NOTCH2NLC: variants seen among roughly 807,000 people sequenced by gnomAD.
NOTCH2NLC encodes the protein notch homolog 2 N-terminal-like protein C.
In NOTCH2NLC, 4 loss-of-function variants were observed where a neutral mutation model predicts 17.7. The ratio of observed to expected loss-of-function variants is 0.23; its 90% CI spans 0.11 to 0.52. The LOEUF is 0.52. Ranked by LOEUF, NOTCH2NLC falls within the 20% of genes least tolerant of loss-of-function variation. The probability of loss-of-function intolerance (pLI) is 0.96; values close to 1 mark genes in which losing one functional copy is unlikely to be tolerated. For synonymous variants in NOTCH2NLC, 18 were observed against 86.0 expected (o/e 0.21, Z 4.38); for missense variants, 57 against 207.2 (o/e 0.28, Z 4.45).
At position 149,407,151 on chromosome 1, in the gene NOTCH2NLC, A is replaced by G. The variant is rs1361460342; in HGVS notation, c.135+16229A>G. On this transcript the variant is annotated intron_variant, in intron 1 of 4. Transcript: ENST00000650865. ...TGAAGAACTCTTTCAATAAGAAGGA[A>G]CTGATTTGGTTGGATTATTTGTTTC... Among the ~76,000 whole-genome samples, 14 of 150,774 alleles carry G rather than the reference A, an allele frequency of 9.3e-5. 1 individual carries two copies. The highest frequency in any genetic ancestry group is 5.9e-5 in the Non-Finnish European group (4 of 67,426).
At chr1:149,413,161 G>C (rs1281039038) in intron 1 of NOTCH2NLC, among the ~76,000 whole-genome samples, 1 of 150,728 alleles carries the variant, frequency 6.6e-6, no homozygotes, top group African/African-American at 2.4e-5. Flanking sequence ...ACCTGCCTCA[G>C]CCTCCCAGAG....
intron 3 of NOTCH2NLC, among the ~76,000 whole-genome samples, chr1:149,462,904 C>T (rs2084658175): frequency 7.3e-6 from 1 of 137,830 alleles, no homozygotes; most frequent in African/African-American, 2.7e-5. Context: ...GGTACAATCT[C>T]GGCTCACTGC....
At position 149,390,703 on chromosome 1, in the gene NOTCH2NLC, T is replaced by A; in HGVS notation, c.-85T>A. 3.2e-6 allele frequency: 4 copies of A among 1,241,016 alleles called. No individual in the cohort carries two copies. Among genetic ancestry groups the A allele is most frequent in the Non-Finnish European group, 4.0e-6 (4 of 989,466 alleles). The allele number at this position is 1,241,016 out of a possible 1,614,324, so 76.9% of individuals were successfully genotyped here. ...GGAGTCGAGGCATTTGCGCCTGTGC[T>A]TCGGACCGTAGCGCCAGGGCCTGAG... On this transcript the variant is annotated 5_prime_UTR_variant, in exon 1 of 5. Transcript: ENST00000650865.
chr1:149,445,206 CA>C (rs2084542270), intron 2 of NOTCH2NLC, among the ~76,000 whole-genome samples: 1 of 147,678 alleles, frequency 6.8e-6, no homozygotes, highest in South Asian at 2.2e-4. Context: ...GAGTCTAGAC[CA>C]ATAGGTGGGT....
chr1:149,423,246 T>G (rs1487989362), intron 1 of NOTCH2NLC, among the ~76,000 whole-genome samples: 12 of 150,086 alleles, frequency 8.0e-5, no homozygotes, highest in East Asian at 2.0e-4. Context: ...TGCTTTTTTT[T>G]GGGTTTTTTT....
At chr1:149,399,252 A>C (rs2084230056) in intron 1 of NOTCH2NLC, among the ~76,000 whole-genome samples, 2 of 150,956 alleles carry the variant, frequency 1.3e-5, no homozygotes, top group Non-Finnish European at 3.0e-5. Context: ...TTTTGTGAGA[A>C]GATTCTGGAA....
rs1184842539 is a variant in NOTCH2NLC, at chr1:149,466,277, G to GTATATATATA, written c.*2130_*2139dup. The GTATATATATA allele has an allele frequency of 8.1e-4, 115 of 142,540 alleles. 4 individuals carry two copies. The highest frequency in any genetic ancestry group is 2.8e-3 in the African/African-American group (108 of 37,914). The allele number at this position is 142,540 out of a possible 1,614,324, so 8.8% of individuals were successfully genotyped here. Reference sequence around the variant, plus strand: ...GTGTGTGTGTGTGTGTGTGTGTGTGGTATATATATATATATCGCATTGTGC... The same window carrying GTATATATATA: ...GTGTGTGTGTGTGTGTGTGTGTGTGGTATATATATATATATATATATATATCGCATTGTGC... On this transcript the variant is annotated 3_prime_UTR_variant, in exon 5 of 5. Transcript: ENST00000650865.
intron 1 of NOTCH2NLC, among the ~76,000 whole-genome samples, chr1:149,420,484 AG>A (rs2084373788): frequency 3.4e-5 from 5 of 148,552 alleles, no homozygotes; most frequent in Admixed American, 3.4e-4. Flanking sequence ...ATAAAAAAAA[AG>A]AAATATCCTG....
chr1:149,441,126 TA>T (rs1389555624), intron 2 of NOTCH2NLC, among the ~76,000 whole-genome samples: 7 of 141,938 alleles, frequency 4.9e-5, no homozygotes, highest in Admixed American at 2.8e-4. Flanking sequence ...TGGATTGGGA[TA>T]GGGGAAGTGA....
intron 2 of NOTCH2NLC, among the ~76,000 whole-genome samples, chr1:149,437,853 T>C (rs2084492222): frequency 6.7e-6 from 1 of 148,328 alleles, no homozygotes; most frequent in African/African-American, 2.5e-5. Context: ...AAGTCTATAA[T>C]GCTAGCTAAC....
chr1:149,400,772 T>C (rs2084241172), intron 1 of NOTCH2NLC, among the ~76,000 whole-genome samples: 1 of 145,512 alleles, frequency 6.9e-6, no homozygotes, highest in Non-Finnish European at 1.5e-5. Flanking sequence ...AATCGGCTAC[T>C]GTCCTCCTTT....
Position 149,419,352 on chromosome 1 carries a change from A to T in NOTCH2NLC, c.136-11590A>T, listed in dbSNP as rs1183743225. On this transcript the variant is annotated intron_variant, in intron 1 of 4. Coordinates refer to ENST00000650865, the MANE Select transcript of NOTCH2NLC (RefSeq NM_001364013.2). ...TGTTGCTGCAAATGGAGAAACCTAG[A>T]GTTCTCTTCTGTGCTTAAAGACACA... is the stretch of plus-strand genomic sequence containing the variant. Among the ~76,000 whole-genome samples the T allele has an allele frequency of 1.3e-5, 2 of 150,562 alleles. 1 individual carries two copies. The highest frequency in any genetic ancestry group is 4.9e-5 in the African/African-American group (2 of 41,096).
At chr1:149,415,227 G>T (rs1245430885) in intron 1 of NOTCH2NLC, among the ~76,000 whole-genome samples, 2 of 77,352 alleles carry the variant, frequency 2.6e-5, no homozygotes, top group East Asian at 9.3e-4. Context: ...ACAGGACCTT[G>T]TTGAATGCTA....
At chr1:149,446,580 C>T (rs1341844630) in intron 2 of NOTCH2NLC, among the ~76,000 whole-genome samples, 4 of 150,562 alleles carry the variant, frequency 2.7e-5, no homozygotes, top group African/African-American at 7.3e-5. Flanking sequence ...TAGCAATCTG[C>T]TCACCTTGGC....
chr1:149,444,861 G>T (rs1205478027), intron 2 of NOTCH2NLC, among the ~76,000 whole-genome samples: 1 of 145,420 alleles, frequency 6.9e-6, no homozygotes, highest in African/African-American at 2.5e-5. Context: ...TCCCAGTTCT[G>T]GACACCAATC....
At chr1:149,412,147 A>G (rs1301570398) in intron 1 of NOTCH2NLC, among the ~76,000 whole-genome samples, 16 of 148,548 alleles carry the variant, frequency 1.1e-4, no homozygotes, top group African/African-American at 3.7e-4. Context: ...AAAAACAAAA[A>G]AAAGTGGTAT....
chr1:149,435,900 A>C (rs2101493040), intron 2 of NOTCH2NLC, among the ~76,000 whole-genome samples: 1 of 149,612 alleles, frequency 6.7e-6, no homozygotes, highest in East Asian at 2.0e-4. Flanking sequence ...CTTCACGATA[A>C]AAAAAAACAA....
chr1:149,471,539 G>C lies in NOTCH2NLC; in HGVS notation c.*7386G>C, dbSNP rs1477984830. On this transcript the variant is annotated 3_prime_UTR_variant, in exon 5 of 5. Coordinates refer to ENST00000650865, the MANE Select transcript of NOTCH2NLC (RefSeq NM_001364013.2). ...TACATGTGGATATTTAGTTGTCCCA[G>C]GACCATTTGTTGAATTAAGTGCCCA... Among the ~76,000 whole-genome samples, 4 of 150,350 alleles carry C rather than the reference G, an allele frequency of 2.7e-5. 1 individual carries two copies. Among genetic ancestry groups the C allele is most frequent in the Non-Finnish European group, 5.9e-5 (4 of 67,408 alleles).
chr1:149,413,752 A>G (rs1454938697), intron 1 of NOTCH2NLC, among the ~76,000 whole-genome samples: 4 of 151,186 alleles, frequency 2.6e-5, no homozygotes, highest in Non-Finnish European at 5.9e-5. Context: ...ATATATCTTC[A>G]TTAGGTGGGT....
Sources: allele counts gnomAD v4.1 joint callset (sites outside exome capture counted in the v4.1 genomes callset), GRCh38; gene constraint gnomAD v4.1.1; transcripts MANE v1.5; gene names NCBI Gene and HGNC (gene_info 2026-07-23, HGNC 2026-07-21).